The following CLTCL1 variants were observed in gnomAD, a reference collection of about 807,000 sequenced individuals.
CLTCL1 encodes clathrin heavy chain 2.
In CLTCL1, 159 loss-of-function variants were observed where a neutral mutation model predicts 190.0. The ratio of observed to expected loss-of-function variants is 0.84; its 90% CI spans 0.74 to 0.95. The LOEUF (loss-of-function observed/expected upper bound fraction) is 0.95. CLTCL1 is among the 40% of genes least tolerant of loss of function. CLTCL1 has a pLI of 0.00. For synonymous variants in CLTCL1, 752 were observed against 769.6 expected (o/e 0.98, Z 0.38); for missense variants, 1,878 against 2,033.4 (o/e 0.92, Z 1.47).
intron 2 of CLTCL1, among the ~76,000 whole-genome samples, chr22:19,255,511 CAAG>C (rs2086716447): frequency 5.3e-5 from 8 of 151,704 alleles, no homozygotes. Context: ...TGCAGTGAGC[CAAG>C]ATGATGCCAC....
At chr22:19,220,095 C>T (rs2145750143) in intron 17 of CLTCL1, 88 bp from the exon 18 acceptor site, 2 of 1,543,696 alleles carry the variant, frequency 1.3e-6, no homozygotes, top group East Asian at 4.5e-5. Flanking sequence ...TCCCTGTGTG[C>T]CTGATACTGG....
intron 3 of CLTCL1, among the ~76,000 whole-genome samples, chr22:19,251,524 C>G (rs1322723330): frequency 6.6e-6 from 1 of 152,184 alleles, no homozygotes; most frequent in Non-Finnish European, 1.5e-5. Flanking sequence ...GTGGTGCTAT[C>G]TCGGTCACTG....
At chr22:19,218,570 A>G (rs974835590) in intron 18 of CLTCL1, among the ~76,000 whole-genome samples, 6 of 152,218 alleles carry the variant, frequency 3.9e-5, no homozygotes, top group Admixed American at 6.5e-5. Flanking sequence ...GCAGGTTGGC[A>G]ATGTGTATGA....
At chr22:19,196,175 A>C in intron 26 of CLTCL1, 91 bp downstream of exon 26, 1 of 1,308,362 alleles carries the variant, frequency 7.6e-7, no homozygotes, top group Non-Finnish European at 1.1e-6. Context: ...GCATGCTGGT[A>C]CTCATTCCAC....
chr22:19,275,509 G>C (rs1377393204), intron 2 of CLTCL1, 114 bp downstream of exon 2: 1 of 1,124,552 alleles, frequency 8.9e-7, no homozygotes, highest in Non-Finnish European at 1.3e-6. Flanking sequence ...GAATTAAGTG[G>C]AATACTATTG....
intron 2 of CLTCL1, among the ~76,000 whole-genome samples, chr22:19,272,911 T>C (rs1555981415): frequency 6.6e-6 from 1 of 152,182 alleles, no homozygotes; most frequent in Non-Finnish European, 1.5e-5. Flanking sequence ...CCCAAAGCAC[T>C]GGGATTACAG....
In CLTCL1 at chr22:19,275,614, C is replaced by T. The variant is rs1555982769; in HGVS notation, c.250+9G>A. The T allele has an allele frequency of 1.1e-5, 18 of 1,590,238 alleles. No individual in the cohort carries two copies. The highest frequency in any genetic ancestry group is 4.6e-5 in the South Asian group (4 of 87,658). On this transcript the variant is annotated intron_variant, in intron 2 of 32. Transcript: ENST00000427926. ...TAAGATTCCTTTCTAACAATCCCATCGGGTTTACCTTTCAGAGCTATCACC... is the reference window on the plus strand; with the variant it reads ...TAAGATTCCTTTCTAACAATCCCATTGGGTTTACCTTTCAGAGCTATCACC...
intron 19 of CLTCL1, among the ~76,000 whole-genome samples, chr22:19,214,933 A>G (rs1191906862): frequency 1.3e-5 from 2 of 152,230 alleles, no homozygotes; most frequent in Non-Finnish European, 2.9e-5. Context: ...CTGGGATTAC[A>G]GGCGTGAGCC....
At chr22:19,268,133 T>C (rs1555978757) in intron 2 of CLTCL1, among the ~76,000 whole-genome samples, 1 of 152,172 alleles carries the variant, frequency 6.6e-6, no homozygotes, top group Non-Finnish European at 1.5e-5. Flanking sequence ...CAAGCCCTCA[T>C]GTTCTCACAA....
chr22:19,254,242 AAT>A lies in CLTCL1; in HGVS notation c.251-17_251-16del. On this transcript the variant is annotated splice_polypyrimidine_tract_variant and intron_variant, in intron 2 of 32. Coordinates refer to ENST00000427926, the MANE Select transcript of CLTCL1 (RefSeq NM_007098.4). ...TGTCTTCCCAGCTAGTATTTGATAT[AAT>A]AGAGATTAGAGAAAGACAAATTAAA... 6.3e-7 allele frequency: 1 copy of A among 1,592,430 alleles called. No individual in the cohort carries two copies. The highest frequency in any genetic ancestry group is 8.6e-7 in the Non-Finnish European group (1 of 1,163,752).
chr22:19,233,199 G>T lies in CLTCL1; in HGVS notation c.1488C>A (p.Gly496=), dbSNP rs782561861. The part of the protein sequence containing the change: ...SKVIQCFAET[G]QFQKIVLYAK... ...CATAGAGCACAATTTTCTGGAATTG[G>T]CCTGTTTCTGCAAAACACTGGATCA... The change falls in exon 9 of 33, where the codon GGC becomes GGA. Residue 496 remains glycine (G), a synonymous_variant. Transcript: ENST00000427926. 2 of 1,613,682 alleles carry T rather than the reference G, an allele frequency of 1.2e-6. No individual in the cohort carries two copies. The highest frequency in any genetic ancestry group is 3.3e-5 in the Admixed American group (2 of 59,986).
chr22:19,241,815 A>G (rs1298768307), intron 4 of CLTCL1, among the ~76,000 whole-genome samples: 6 of 152,166 alleles, frequency 3.9e-5, no homozygotes, highest in Admixed American at 2.0e-4. Flanking sequence ...CACAGTCTCA[A>G]TCTCTCTGGA....
In CLTCL1 at chr22:19,191,364, G is replaced by A; in HGVS notation, c.4263C>T (p.Asp1421=). Residue 1421 remains aspartate (D), a synonymous_variant, in exon 27 of 33, where the codon GAC becomes GAT. Coordinates refer to ENST00000427926, the MANE Select transcript of CLTCL1 (RefSeq NM_007098.4). ...GCCGGGGTGAAAGCACCAGCAGCAG[G>A]TCATTGATGAGCAGTGGTTTGTAAT... is the stretch of plus-strand genomic sequence containing the variant. ...YLDYKPLLIN[D]LLLVLSPRLD... 4 of 1,614,018 alleles carry A rather than the reference G, an allele frequency of 2.5e-6. No homozygotes were observed. Among genetic ancestry groups the A allele is most frequent in the Middle Eastern group, 1.6e-4 (1 of 6,062 alleles).
At chr22:19,252,858 CA>C (rs782368689) in intron 3 of CLTCL1, among the ~76,000 whole-genome samples, 1 of 151,960 alleles carries the variant, frequency 6.6e-6, no homozygotes, top group Non-Finnish European at 1.5e-5. Flanking sequence ...ACTAAAAATA[CA>C]AAAAATTAGC....
At chr22:19,180,617 C>T (rs2084101748) in intron 31 of CLTCL1, 114 bp downstream of exon 31, 1 of 1,005,182 alleles carries the variant, frequency 9.9e-7, no homozygotes, top group South Asian at 1.4e-5. Flanking sequence ...ATCCTTCCAG[C>T]CCCCACCCAT....
chr22:19,229,469 T>C (rs1440003910), intron 11 of CLTCL1, among the ~76,000 whole-genome samples: 2 of 152,178 alleles, frequency 1.3e-5, no homozygotes, highest in East Asian at 3.8e-4. Flanking sequence ...ATAGTTACTC[T>C]GGGATAATAA....
At chr22:19,205,247 C>T (rs534866730) in intron 22 of CLTCL1, among the ~76,000 whole-genome samples, 1 of 152,214 alleles carries the variant, frequency 6.6e-6, no homozygotes, top group East Asian at 1.9e-4. Context: ...CAGTGGCTCA[C>T]CCCTGTAATC....
At position 19,210,240 on chromosome 22, in the gene CLTCL1, C is replaced by T. The variant is rs1407287536; in HGVS notation, c.3249+86G>A. ...CACTGGACAACCAGAGGGTCTGACA[C>T]CCTTGGAGAGGACAAGGGCTTGCAG... On this transcript the variant is annotated intron_variant, in intron 20 of 32. Coordinates refer to ENST00000427926, the MANE Select transcript of CLTCL1 (RefSeq NM_007098.4). The T allele has an allele frequency of 8.1e-6, 11 of 1,354,452 alleles. No homozygotes were observed. The African/African-American group carries it at 1.6e-4, about 19-fold the overall frequency. The allele number at this position is 1,354,452 out of a possible 1,614,324, so 83.9% of individuals were successfully genotyped here. A position where few individuals can be genotyped will look rare whatever the true frequency, so the allele number is the denominator to read the frequency against.
intron 10 of CLTCL1, among the ~76,000 whole-genome samples, chr22:19,232,146 C>T (rs1279109838): frequency 6.6e-6 from 1 of 152,122 alleles, no homozygotes; most frequent in East Asian, 1.9e-4. Flanking sequence ...GGCCAATGGT[C>T]AGGGAGAGAC....
Sources: gnomAD v4.1 joint callset for allele counts (sites outside exome capture counted in the v4.1 genomes callset) on GRCh38, gnomAD v4.1.1 for gene constraint, MANE v1.5 for transcripts, NCBI Gene and HGNC (gene_info 2026-07-23, HGNC 2026-07-21) for gene names.